Variants in TRIM29 observed in about 807,000 individuals in gnomAD.
The protein encoded by TRIM29 is tripartite motif containing 29.
Under a neutral mutation model 57.3 loss-of-function variants are expected in TRIM29, and 52 were observed. That is an observed-to-expected ratio of 0.91 (90% CI 0.73 to 1.14). TRIM29 has a LOEUF of 1.14. Among genes scored for constraint, TRIM29 ranks in the 50% most tolerant of loss-of-function variants. TRIM29 has a pLI of 0.00. For synonymous variants in TRIM29, 319 were observed against 316.9 expected, an observed-to-expected ratio of 1.01 and a Z score of -0.07; for missense variants, 753 against 774.6, an observed-to-expected ratio of 0.97 and a Z score of 0.33.
At chr11:120,128,787 C>G (rs1286056532) in intron 1 of TRIM29, 3 of 1,532,908 alleles carry the variant, frequency 2.0e-6, no homozygotes, top group Admixed American at 2.0e-5. Context: ...ATCTCCTCCA[C>G]CCAGCAAGAG....
rs1312147598 is a variant in TRIM29, at chr11:120,128,457, C to A, written c.843G>T (p.Lys281Asn). Residue 281 changes from lysine (K) to asparagine (N), a missense_variant, in exon 2 of 9, where the codon AAG (lysine) becomes AAT (asparagine). Coordinates refer to ENST00000341846, the MANE Select transcript of TRIM29 (RefSeq NM_012101.4). ...LSLQKEQLQLKIIEIEDEAEK... is the reference protein window; with the variant it reads ...LSLQKEQLQLNIIEIEDEAEK... ...CAGCTTCATCCTCAATCTCAATGAT[C>A]TTGAGCTGCAGCTGCTCCTTTTGCA... 3.7e-6 allele frequency: 6 copies of A among 1,612,188 alleles called. No individual in the cohort carries two copies. The highest frequency in any genetic ancestry group is 2.7e-5 in the African/African-American group (2 of 74,920).
At chr11:120,124,961 G>A (rs1298853780) in intron 4 of TRIM29, 2 of 152,408 alleles carry the variant, frequency 1.3e-5, no homozygotes, top group African/African-American at 4.8e-5. Flanking sequence ...TCAAGGCCCC[G>A]TGCAACGCCT....
chr11:120,117,084 G>A, intron 7 of TRIM29: 1 of 415,672 alleles, frequency 2.4e-6, no homozygotes, highest in Non-Finnish European at 4.8e-6. Context: ...AGGCATTAGT[G>A]GCACAGCGCT....
At chr11:120,127,643 T>G in intron 2 of TRIM29, 74 bp from the exon 3 acceptor site, 1 of 1,365,910 alleles carries the variant, frequency 7.3e-7, no homozygotes, top group East Asian at 2.4e-5. Context: ...GTCGGGTATG[T>G]CTTTAGGTTT....
intron 5 of TRIM29, chr11:120,120,874 G>C (rs572777865): frequency 9.9e-5 from 66 of 665,534 alleles, no homozygotes; most frequent in East Asian, 1.5e-4. Flanking sequence ...ACCGTGCAGA[G>C]AGCATCAGCA....
intron 6 of TRIM29, among the ~76,000 whole-genome samples, chr11:120,119,663 C>T (rs1384132142): frequency 6.6e-6 from 1 of 152,190 alleles, no homozygotes; most frequent in Non-Finnish European, 1.5e-5. Context: ...CCGCTGATCA[C>T]GGCTGTGAAT....
At position 120,137,561 on chromosome 11, in the gene TRIM29, GT is replaced by G. The variant is rs767290986; in HGVS notation, c.470del (p.Asp157AlafsTer102). On this transcript the variant is annotated frameshift_variant, in exon 1 of 9. Transcript: ENST00000341846. LOFTEE classifies it high-confidence loss of function. The surrounding 1 kb of genome is among the most constrained non-coding windows in gnomAD (Gnocchi z 6.2). ...ETRRNSYPRA[D>X]TGLFSRSKSG... Reference sequence around the variant, plus strand: ...ACTTGGACCGTGAAAAAAGGCCCGTGTCGGCCCGGGGGTAGCTGTTCCGCCG... The same window carrying G: ...ACTTGGACCGTGAAAAAAGGCCCGTGCGGCCCGGGGGTAGCTGTTCCGCCG... The G allele has an allele frequency of 3.1e-6, 5 of 1,611,284 alleles. No homozygotes were observed. The East Asian group carries it at 6.7e-5, about 22-fold the overall frequency.
chr11:120,128,305 TG>T, intron 2 of TRIM29, 94 bp downstream of exon 2: 1 of 1,009,950 alleles, frequency 9.9e-7, no homozygotes. Flanking sequence ...GATGTCTACG[TG>T]GGCCTGGGAC....
intron 6 of TRIM29, among the ~76,000 whole-genome samples, chr11:120,118,635 C>T (rs551025213): frequency 5.3e-5 from 8 of 151,864 alleles, no homozygotes; most frequent in Non-Finnish European, 1.2e-4. Flanking sequence ...CACCATCTCC[C>T]ACTTCTTGAC....
intron 4 of TRIM29, 186 bp downstream of exon 4, chr11:120,125,505 C>CA (rs1414702710): frequency 3.3e-6 from 2 of 604,826 alleles, no homozygotes; most frequent in Admixed American, 3.4e-5. Flanking sequence ...ACTTTGGCAG[C>CA]AAGTTCAAAG....
chr11:120,125,564 A>AGGGTGGGT, intron 4 of TRIM29, 127 bp downstream of exon 4: 1 of 828,342 alleles, frequency 1.2e-6, no homozygotes, highest in South Asian at 1.7e-5. Context: ...GGCCTGAGGA[A>AGGGTGGGT]GGGTGGGTGG....
chr11:120,118,139 C>A (rs1409271555), intron 7 of TRIM29, 84 bp downstream of exon 7: 1 of 1,230,918 alleles, frequency 8.1e-7, no homozygotes, highest in Non-Finnish European at 1.2e-6. Flanking sequence ...GAGGAACTAG[C>A]AGCTCAGCGA....
At chr11:120,119,599 C>T (rs984390974) in intron 6 of TRIM29, among the ~76,000 whole-genome samples, 1 of 152,214 alleles carries the variant, frequency 6.6e-6, no homozygotes, top group East Asian at 1.9e-4. Flanking sequence ...ACAGGACAGA[C>T]ACAGCTCTGT....
At chr11:120,132,753 A>G (rs887080053) in intron 1 of TRIM29, among the ~76,000 whole-genome samples, 1 of 152,188 alleles carries the variant, frequency 6.6e-6, no homozygotes, top group Non-Finnish European at 1.5e-5. Flanking sequence ...CCAAATTTGT[A>G]CTCTCAGACA....
chr11:120,113,390 T>C, intron 8 of TRIM29: 2 of 286,122 alleles, frequency 7.0e-6, no homozygotes, highest in East Asian at 1.6e-4. Context: ...AGAGCACAGC[T>C]TAGCTGCTGC....
intron 4 of TRIM29, 147 bp downstream of exon 4, chr11:120,125,544 T>C: frequency 1.3e-6 from 1 of 766,686 alleles, no homozygotes; most frequent in Non-Finnish European, 2.0e-6. Flanking sequence ...CCCTGTATCC[T>C]AGTCCAAACG....
At chr11:120,126,165 A>G in intron 3 of TRIM29, 4 of 409,610 alleles carry the variant, frequency 9.8e-6, no homozygotes, top group Non-Finnish European at 1.8e-5. Flanking sequence ...TATGAGAGGG[A>G]CACAAACTGC....
intron 1 of TRIM29, among the ~76,000 whole-genome samples, chr11:120,134,633 C>A (rs1317057643): frequency 6.6e-6 from 1 of 152,220 alleles, no homozygotes; most frequent in African/African-American, 2.4e-5. Flanking sequence ...GCTGCAGGTG[C>A]ACATGTGTGT....
At chr11:120,120,829 G>A (rs1863425373) in intron 5 of TRIM29, 164 bp from the exon 6 acceptor site, 5 of 707,306 alleles carry the variant, frequency 7.1e-6, no homozygotes, top group East Asian at 5.4e-5. Context: ...CACCCAAATT[G>A]GCATGCTTTT....
Sources: gnomAD v4.1 joint callset for allele counts (sites outside exome capture counted in the v4.1 genomes callset) on GRCh38, gnomAD v4.1.1 for gene constraint, Gnocchi (gnomAD v3.1) non-coding constraint, MANE v1.5 for transcripts, NCBI Gene and HGNC (gene_info 2026-07-23, HGNC 2026-07-21) for gene names.